USP22: variants seen among roughly 807,000 people sequenced by gnomAD.
USP22 encodes ubiquitin specific peptidase 22, also known as ubiquitin carboxyl-terminal hydrolase 22.
USP22 carries 22 observed loss-of-function variants against 68.1 expected under a neutral mutation model. That is an observed-to-expected ratio of 0.32 (90% CI 0.23 to 0.46). The LOEUF is 0.46. Ranked by LOEUF, USP22 falls within the 20% of genes least tolerant of loss-of-function variation. USP22 has a pLI of 1.00. For missense variants in USP22, 433 were observed against 695.8 expected (o/e 0.62, Z 4.25); for synonymous variants, 279 against 274.2 (o/e 1.02, Z -0.17).
intron 1 of USP22, among the ~76,000 whole-genome samples, chr17:21,033,676 A>C (rs1270036082): frequency 6.6e-6 from 1 of 152,192 alleles, no homozygotes; most frequent in Non-Finnish European, 1.5e-5. Flanking sequence ...TTAGGAAGGT[A>C]AGTTTAATTC....
intron 2 of USP22, among the ~76,000 whole-genome samples, chr17:21,024,158 T>C (rs1035469979): frequency 6.6e-6 from 1 of 152,184 alleles, no homozygotes; most frequent in Non-Finnish European, 1.5e-5. Flanking sequence ...CCTTTGCCAC[T>C]TCCTGTTCAT....
intron 2 of USP22, among the ~76,000 whole-genome samples, chr17:21,027,386 A>C (rs998267383): frequency 6.6e-6 from 1 of 151,310 alleles, no homozygotes; most frequent in Non-Finnish European, 1.5e-5. Flanking sequence ...CTCCTTGTAG[A>C]GAGCTGTAAG....
chr17:21,027,136 A>C (rs1972230606), intron 2 of USP22, among the ~76,000 whole-genome samples: 1 of 151,490 alleles, frequency 6.6e-6, no homozygotes, highest in South Asian at 2.1e-4. Context: ...GGCCTCCCAA[A>C]GTGCTGGGAT....
intron 3 of USP22, among the ~76,000 whole-genome samples, chr17:21,020,404 C>T (rs896148839): frequency 7.2e-5 from 11 of 152,214 alleles, no homozygotes; most frequent in African/African-American, 2.4e-4. Flanking sequence ...AAAACCCACA[C>T]TGGTGCGAGA....
chr17:21,002,983 G>A lies in USP22; in HGVS notation c.*48C>T, dbSNP rs745831391. 1.2e-6 allele frequency: 2 copies of A among 1,609,280 alleles called. No individual in the cohort carries two copies. ...GGGGCCAGGGAGGATCACTTTGTGAGGCTTGCCAATGCATTGCCTTTGTTT... is the reference window on the plus strand; with the variant it reads ...GGGGCCAGGGAGGATCACTTTGTGAAGCTTGCCAATGCATTGCCTTTGTTT... On this transcript the variant is annotated 3_prime_UTR_variant, in exon 13 of 13. Coordinates refer to ENST00000261497, the MANE Select transcript of USP22 (RefSeq NM_015276.2).
At chr17:21,006,495 G>A (rs1012846293) in intron 10 of USP22, 3 of 147,532 alleles carry the variant, frequency 2.0e-5, no homozygotes, top group Middle Eastern at 3.4e-3. Context: ...GTTTATATTA[G>A]TATCGACAGT....
At position 21,034,997 on chromosome 17, in the gene USP22, G is replaced by T. The variant is rs116464241; in HGVS notation, c.172-6323C>A. On this transcript the variant is annotated intron_variant, in intron 1 of 12. Transcript: ENST00000261497. The stretch of plus-strand genomic sequence containing the variant: ...CTTGGAATGTATCCCTCAAGGATGG[G>T]GGTGAGTACTCTATTATCATAAACA... Among the ~76,000 whole-genome samples, 1,312 of 152,208 alleles carry T rather than the reference G, an allele frequency of 8.6e-3. 25 individuals are homozygous for T. The highest frequency in any genetic ancestry group is 0.029 in the African/African-American group (1,214 of 41,500).
intron 5 of USP22, among the ~76,000 whole-genome samples, chr17:21,017,264 A>G (rs1466028580): frequency 6.6e-6 from 1 of 152,236 alleles, no homozygotes; most frequent in East Asian, 1.9e-4. Context: ...GAATGGGAAC[A>G]GGCCAGGGCT....
At chr17:21,040,598 T>C (rs1282687710) in intron 1 of USP22, among the ~76,000 whole-genome samples, 1 of 150,474 alleles carries the variant, frequency 6.6e-6, no homozygotes, top group Non-Finnish European at 1.5e-5. Flanking sequence ...GAGCCATAAG[T>C]AGCGCAAAAA....
intron 1 of USP22, among the ~76,000 whole-genome samples, chr17:21,031,318 A>C (rs1031999738): frequency 6.6e-6 from 1 of 152,254 alleles, no homozygotes; most frequent in Non-Finnish European, 1.5e-5. Context: ...TTAATTGAGT[A>C]AAGTACACAG....
At chr17:21,036,030 C>CTA in intron 1 of USP22, among the ~76,000 whole-genome samples, 1 of 59,638 alleles carries the variant, frequency 1.7e-5, no homozygotes, top group Non-Finnish European at 2.7e-5. Context: ...GACTCCGTCT[C>CTA]AAAAAAAAAA....
chr17:21,019,570 C>G (rs1972128760), intron 3 of USP22, among the ~76,000 whole-genome samples: 1 of 152,222 alleles, frequency 6.6e-6, no homozygotes, highest in African/African-American at 2.4e-5. Context: ...AAGGAGAGAG[C>G]TTGCACTTTT....
In USP22 at chr17:21,019,193, G is replaced by C. The variant is rs752604096; in HGVS notation, c.419-8C>G. On this transcript the variant is annotated splice_polypyrimidine_tract_variant and splice_region_variant and intron_variant, in intron 3 of 12. Coordinates refer to ENST00000261497, the MANE Select transcript of USP22 (RefSeq NM_015276.2). Reference sequence around the variant, plus strand: ...AAAACTTCTCTCCAACGCCTAAGCAGATGAAGGACAGTTCCAAGCGCTATT... The same window carrying C: ...AAAACTTCTCTCCAACGCCTAAGCACATGAAGGACAGTTCCAAGCGCTATT... The C allele has an allele frequency of 3.1e-6, 5 of 1,613,440 alleles. No homozygotes were observed. The African/African-American group carries it at 5.3e-5, about 17-fold the overall frequency.
chr17:21,016,123 T>C lies in USP22; in HGVS notation c.691-224A>G, dbSNP rs892624510. On this transcript the variant is annotated intron_variant, in intron 5 of 12. Transcript: ENST00000261497. ...TTTTTTCCTTTCTACCATCTAGTTT[T>C]CCACATATAAGCCTAAAAAATGAAT... is the stretch of plus-strand genomic sequence containing the variant. Among the ~76,000 whole-genome samples, 4 of 152,146 alleles carry C rather than the reference T, an allele frequency of 2.6e-5. No homozygotes were observed. The South Asian group carries it at 8.3e-4, about 32-fold the overall frequency.
intron 4 of USP22, 151 bp from the exon 5 acceptor site, chr17:21,018,262 T>C: frequency 4.3e-6 from 3 of 698,290 alleles, no homozygotes; most frequent in Non-Finnish European, 6.8e-6. Flanking sequence ...TTCTGCTAGT[T>C]TTTATGCCAC....
At chr17:21,033,431 T>C (rs921073204) in intron 1 of USP22, among the ~76,000 whole-genome samples, 1 of 152,202 alleles carries the variant, frequency 6.6e-6, no homozygotes, top group Non-Finnish European at 1.5e-5. Context: ...TTCCTCTGAA[T>C]ATCCTGTCCT....
At chr17:21,025,890 A>G (rs564210494) in intron 2 of USP22, among the ~76,000 whole-genome samples, 1 of 152,340 alleles carries the variant, frequency 6.6e-6, no homozygotes, top group African/African-American at 2.4e-5. Context: ...TGTGGTGCAA[A>G]AAAGTTTTGA....
intron 2 of USP22, among the ~76,000 whole-genome samples, chr17:21,021,697 G>T (rs541303472): frequency 1.3e-5 from 2 of 152,294 alleles, no homozygotes; most frequent in African/African-American, 4.8e-5. Flanking sequence ...CTTACCTTAA[G>T]TACAGGGGGA....
chr17:21,018,682 A>C (rs1039973919), intron 4 of USP22, among the ~76,000 whole-genome samples: 1 of 150,888 alleles, frequency 6.6e-6, no homozygotes, highest in Admixed American at 6.6e-5. Flanking sequence ...TGGGCAACAG[A>C]GCAAGACTCT....
Sources: gnomAD v4.1 joint callset for allele counts (sites outside exome capture counted in the v4.1 genomes callset) on GRCh38, gnomAD v4.1.1 for gene constraint, MANE v1.5 for transcripts, NCBI Gene and HGNC (gene_info 2026-07-23, HGNC 2026-07-21) for gene names.